ADGRB3: variants seen among roughly 807,000 people sequenced by gnomAD.
The protein encoded by ADGRB3 is brain-specific angiogenesis inhibitor 3.
ADGRB3 carries 37 observed loss-of-function variants against 193.4 expected under a neutral mutation model. That is an observed-to-expected ratio of 0.19 (90% confidence interval 0.15 to 0.25). ADGRB3 has a LOEUF of 0.25. ADGRB3 is among the 10% of genes least tolerant of loss of function. ADGRB3 has a pLI of 1.00. For missense variants in ADGRB3, 1,637 were observed against 1,852.9 expected (o/e 0.88, Z 2.14); for synonymous variants, 690 against 644.2 (o/e 1.07, Z -1.08).
At chr6:69,258,617 T>G (rs1766834200) in intron 20 of ADGRB3, among the ~76,000 whole-genome samples, 1 of 152,254 alleles carries the variant, frequency 6.6e-6, no homozygotes, top group African/African-American at 2.4e-5. Context: ...AAAGTAGGAA[T>G]TATTCAATTC....
intron 15 of ADGRB3, among the ~76,000 whole-genome samples, chr6:69,053,074 T>C (rs553987646): frequency 2.6e-5 from 4 of 152,218 alleles, no homozygotes; most frequent in Non-Finnish European, 4.4e-5. Context: ...TAGTCCCAGA[T>C]ACTTGGGAGG....
At chr6:69,029,005 G>T (rs963608472) in intron 13 of ADGRB3, among the ~76,000 whole-genome samples, 3 of 152,058 alleles carry the variant, frequency 2.0e-5, no homozygotes, top group Admixed American at 6.5e-5. Flanking sequence ...CACATAATTT[G>T]TCCTACATCA....
chr6:69,350,142 A>G (rs1274741529), intron 26 of ADGRB3, among the ~76,000 whole-genome samples: 3 of 152,156 alleles, frequency 2.0e-5, no homozygotes, highest in African/African-American at 7.2e-5. Flanking sequence ...CCAAAAATCC[A>G]TCAGCATTTA....
At chr6:68,979,745 A>G (rs1768853215) in intron 10 of ADGRB3, among the ~76,000 whole-genome samples, 1 of 151,486 alleles carries the variant, frequency 6.6e-6, no homozygotes, top group Non-Finnish European at 1.5e-5. Context: ...CTATTTGGAG[A>G]ACATGACTAA....
intron 17 of ADGRB3, among the ~76,000 whole-genome samples, chr6:69,227,653 C>T (rs1177428982): frequency 6.6e-6 from 1 of 152,114 alleles, no homozygotes; most frequent in Non-Finnish European, 1.5e-5. Flanking sequence ...AAACTAACTA[C>T]ATTTTGTTCA....
At chr6:68,805,216 C>G (rs1394183481) in intron 3 of ADGRB3, among the ~76,000 whole-genome samples, 2 of 152,186 alleles carry the variant, frequency 1.3e-5, no homozygotes, top group African/African-American at 2.4e-5. Context: ...ATTGGGATTA[C>G]AGGTGTGAGC....
chr6:68,834,977 A>T (rs1768019444), intron 3 of ADGRB3, among the ~76,000 whole-genome samples: 2 of 152,196 alleles, frequency 1.3e-5, no homozygotes, highest in Admixed American at 6.6e-5. Flanking sequence ...AGTTAAAAAA[A>T]ATCCAAGCAT....
chr6:68,756,998 G>A (rs1336872513), intron 3 of ADGRB3, among the ~76,000 whole-genome samples: 1 of 152,056 alleles, frequency 6.6e-6, no homozygotes, highest in Non-Finnish European at 1.5e-5. Flanking sequence ...ATGTCTTTCA[G>A]ATCTTCCCAA....
At chr6:68,679,790 T>C (rs1001846820) in intron 3 of ADGRB3, among the ~76,000 whole-genome samples, 7 of 152,146 alleles carry the variant, frequency 4.6e-5, no homozygotes, top group African/African-American at 7.2e-5. Flanking sequence ...AAAAGCATCA[T>C]TTAAAAATTA....
chr6:69,137,508 T>G (rs1277974419), intron 17 of ADGRB3, among the ~76,000 whole-genome samples: 1 of 151,976 alleles, frequency 6.6e-6, no homozygotes, highest in Non-Finnish European at 1.5e-5. Context: ...CTGTAAGAAA[T>G]AGCCCCTTGT....
At chr6:68,745,116 A>G (rs756053711) in intron 3 of ADGRB3, among the ~76,000 whole-genome samples, 51 of 152,300 alleles carry the variant, frequency 3.3e-4, no homozygotes, top group Non-Finnish European at 5.3e-4. Context: ...AATTGAAAGC[A>G]GAGTTCTGAG....
chr6:69,140,288 G>A (rs576661584), intron 17 of ADGRB3, among the ~76,000 whole-genome samples: 3 of 152,198 alleles, frequency 2.0e-5, no homozygotes, highest in Non-Finnish European at 2.9e-5. Flanking sequence ...AAGAGCACAG[G>A]AAAGAACAAA....
chr6:69,169,560 T>A (rs1775220654), intron 17 of ADGRB3, among the ~76,000 whole-genome samples: 1 of 150,204 alleles, frequency 6.7e-6, no homozygotes, highest in African/African-American at 2.4e-5. Context: ...GAATTGTGAT[T>A]AAATTATCAT....
chr6:69,379,004 A>G (rs932826341), intron 30 of ADGRB3, among the ~76,000 whole-genome samples: 3 of 152,082 alleles, frequency 2.0e-5, no homozygotes, highest in Non-Finnish European at 4.4e-5. Context: ...TAAGCTACTC[A>G]GGAAAGCATA....
chr6:69,281,092 A>C lies in ADGRB3; in HGVS notation c.2814+41866A>C, dbSNP rs184286523. 8.5e-5 allele frequency among the ~76,000 whole-genome samples: 13 copies of C among 152,314 alleles called. No homozygotes were observed. The East Asian group carries it at 2.3e-3, about 27-fold the overall frequency. On this transcript the variant is annotated intron_variant, in intron 20 of 31. Transcript: ENST00000370598. Reference sequence around the variant, plus strand: ...CAATTCAGGCAGCCTCACAGCATTTAATTGAGCCACAGACCATAGAACAAC... The same window carrying C: ...CAATTCAGGCAGCCTCACAGCATTTCATTGAGCCACAGACCATAGAACAAC...
chr6:69,018,610 G>A, intron 13 of ADGRB3, 111 bp downstream of exon 13: 1 of 655,882 alleles, frequency 1.5e-6, no homozygotes, highest in Non-Finnish European at 2.6e-6. Context: ...TTAACTGCAT[G>A]TGAGCAAATA....
chr6:69,153,880 C>G (rs545983489), intron 17 of ADGRB3, among the ~76,000 whole-genome samples: 1 of 151,990 alleles, frequency 6.6e-6, no homozygotes, highest in African/African-American at 2.4e-5. Context: ...GTAGTCCCAG[C>G]TACTCGGGAG....
chr6:68,731,534 C>A (rs1024824141), intron 3 of ADGRB3, among the ~76,000 whole-genome samples: 17 of 151,476 alleles, frequency 1.1e-4, no homozygotes, highest in Middle Eastern at 3.6e-3. Context: ...TAAATGTTTT[C>A]AAATATGATA....
At chr6:68,891,744 T>C (rs1766083303) in intron 3 of ADGRB3, among the ~76,000 whole-genome samples, 1 of 152,130 alleles carries the variant, frequency 6.6e-6, no homozygotes, top group African/African-American at 2.4e-5. Flanking sequence ...AACTGGCTCC[T>C]GAAAAGCTGT....
Sources: allele counts gnomAD v4.1 joint callset (sites outside exome capture counted in the v4.1 genomes callset), GRCh38; gene constraint gnomAD v4.1.1; transcripts MANE v1.5; gene names NCBI Gene and HGNC (gene_info 2026-07-23, HGNC 2026-07-21).